Variants in TPD52L1 observed in about 807,000 individuals in gnomAD.
TPD52L1 encodes TPD52 like 1, also known as tumor protein D53.
TPD52L1 carries 18 observed loss-of-function variants against 28.7 expected under a neutral mutation model. That is an observed-to-expected ratio of 0.63 (90% confidence interval 0.43 to 0.93). TPD52L1 has a LOEUF of 0.93. Among genes scored for constraint, TPD52L1 ranks in the 40% least tolerant of loss-of-function variants. The probability of loss-of-function intolerance (pLI) is 0.00; values close to 1 mark genes in which losing one functional copy is unlikely to be tolerated. For missense variants in TPD52L1, 203 were observed against 254.8 expected (o/e 0.80, Z 1.39); for synonymous variants, 75 against 88.8 (o/e 0.84, Z 0.88).
At chr6:125,233,809 A>T (rs1161342039) in intron 3 of TPD52L1, among the ~76,000 whole-genome samples, 1 of 152,250 alleles carries the variant, frequency 6.6e-6, no homozygotes, top group African/African-American at 2.4e-5. Context: ...AGAAAACAAC[A>T]TGCTTTCTCC....
At chr6:125,234,894 A>C (rs993678022) in intron 3 of TPD52L1, among the ~76,000 whole-genome samples, 5 of 151,978 alleles carry the variant, frequency 3.3e-5, no homozygotes, top group African/African-American at 9.7e-5. Flanking sequence ...CGAGTTCAAG[A>C]TCAGCCTGAG....
At chr6:125,230,109 T>A (rs1795859438) in intron 3 of TPD52L1, among the ~76,000 whole-genome samples, 1 of 151,944 alleles carries the variant, frequency 6.6e-6, no homozygotes. Flanking sequence ...GAAGAAATGG[T>A]TTTTGCTTTG....
intron 2 of TPD52L1, among the ~76,000 whole-genome samples, chr6:125,221,545 T>A (rs1290201974): frequency 6.6e-6 from 1 of 152,240 alleles, no homozygotes; most frequent in Non-Finnish European, 1.5e-5. Context: ...CCTCGATTTT[T>A]ATTTTTCTGG....
At chr6:125,216,597 A>G (rs1794910163) in intron 1 of TPD52L1, among the ~76,000 whole-genome samples, 1 of 147,196 alleles carries the variant, frequency 6.8e-6, no homozygotes, top group African/African-American at 2.5e-5. Flanking sequence ...ACCTATGCTC[A>G]GAAGAAATAC....
intron 1 of TPD52L1, among the ~76,000 whole-genome samples, chr6:125,163,074 T>C (rs554260244): frequency 3.7e-4 from 56 of 152,292 alleles, no homozygotes; most frequent in African/African-American, 1.3e-3. Flanking sequence ...GAAGCTAAGA[T>C]GAACTTGACA....
intron 1 of TPD52L1, among the ~76,000 whole-genome samples, chr6:125,188,904 G>A (rs781104446): frequency 1.9e-4 from 29 of 152,326 alleles, no homozygotes; most frequent in Non-Finnish European, 3.5e-4. Flanking sequence ...CAGCTTATGT[G>A]AAAGACCTTC....
intron 1 of TPD52L1, among the ~76,000 whole-genome samples, chr6:125,178,660 T>C (rs559215285): frequency 1.7e-3 from 244 of 147,050 alleles, no homozygotes; most frequent in African/African-American, 6.0e-3. Context: ...CAAAACAAAA[T>C]ATATATATAT....
At chr6:125,258,720 A>T (rs986618996) in intron 6 of TPD52L1, among the ~76,000 whole-genome samples, 4 of 152,028 alleles carry the variant, frequency 2.6e-5, no homozygotes, top group Non-Finnish European at 5.9e-5. Context: ...CACTTTTCTC[A>T]CCTCACTTGG....
At chr6:125,192,458 ATGGAGAAAAACC>A (rs1793114225) in intron 1 of TPD52L1, among the ~76,000 whole-genome samples, 1 of 152,036 alleles carries the variant, frequency 6.6e-6, no homozygotes, top group Non-Finnish European at 1.5e-5. Context: ...TGTTCTTTTA[ATGGAGAAAAACC>A]TGCAGTGACA....
chr6:125,184,940 C>T (rs1792493335), intron 1 of TPD52L1, among the ~76,000 whole-genome samples: 1 of 148,394 alleles, frequency 6.7e-6, no homozygotes, highest in African/African-American at 2.5e-5. Flanking sequence ...TGTGTTGGAT[C>T]AAAATAAAAG....
chr6:125,172,137 TTTC>T lies in TPD52L1; in HGVS notation c.19+18170_19+18172del, dbSNP rs1562210863. 9.4e-3 allele frequency among the ~76,000 whole-genome samples: 729 copies of T among 77,660 alleles called. 6 individuals are homozygous for T. Among genetic ancestry groups the T allele is most frequent in the African/African-American group, 0.043 (655 of 15,242 alleles). The allele number at this position is 77,660 out of a possible 152,430, so 50.9% of individuals were successfully genotyped here. The stretch of plus-strand genomic sequence containing the variant: ...CTTTCTTTCTTTCTTTCTTTCTTTC[TTTC>T]TTTCTTTCTTTCTTTCTTTTCTTTC... On this transcript the variant is annotated intron_variant, in intron 1 of 6. Coordinates refer to ENST00000534000, the MANE Select transcript of TPD52L1 (RefSeq NM_003287.4).
At chr6:125,236,371 T>C (rs1359893451) in intron 3 of TPD52L1, among the ~76,000 whole-genome samples, 1 of 152,164 alleles carries the variant, frequency 6.6e-6, no homozygotes, top group African/African-American at 2.4e-5. Flanking sequence ...TCACCTCCCA[T>C]TTTGCTATAG....
At chr6:125,175,885 A>G (rs1791791978) in intron 1 of TPD52L1, among the ~76,000 whole-genome samples, 1 of 152,220 alleles carries the variant, frequency 6.6e-6, no homozygotes, top group African/African-American at 2.4e-5. Flanking sequence ...TCCACTAAAC[A>G]AATATTGAGG....
At chr6:125,165,929 T>C (rs1489924339) in intron 1 of TPD52L1, among the ~76,000 whole-genome samples, 1 of 152,198 alleles carries the variant, frequency 6.6e-6, no homozygotes, top group African/African-American at 2.4e-5. Flanking sequence ...TACCCAGTAA[T>C]CTCAGTATTT....
chr6:125,179,926 C>T (rs914830866), intron 1 of TPD52L1, among the ~76,000 whole-genome samples: 7 of 152,142 alleles, frequency 4.6e-5, no homozygotes, highest in African/African-American at 1.7e-4. Flanking sequence ...GGCTGTGTTG[C>T]TCTGGGGAGC....
chr6:125,162,402 T>G (rs1582830886), intron 1 of TPD52L1, among the ~76,000 whole-genome samples: 1 of 152,330 alleles, frequency 6.6e-6, no homozygotes, highest in Admixed American at 6.5e-5. Flanking sequence ...CTTCAAAAAC[T>G]TATAAGCAAA....
At chr6:125,191,330 A>ATG (rs1363189704) in intron 1 of TPD52L1, among the ~76,000 whole-genome samples, 2 of 152,128 alleles carry the variant, frequency 1.3e-5, no homozygotes, top group Non-Finnish European at 2.9e-5. Context: ...CACTTGCTTG[A>ATG]TGTGTTTCTG....
chr6:125,220,946 C>T (rs1305436448), intron 2 of TPD52L1, among the ~76,000 whole-genome samples: 1 of 152,202 alleles, frequency 6.6e-6, no homozygotes, highest in African/African-American at 2.4e-5. Flanking sequence ...ATTCCCTCTG[C>T]ATTCTGTGTC....
chr6:125,166,821 G>T (rs1437861862), intron 1 of TPD52L1, among the ~76,000 whole-genome samples: 1 of 151,638 alleles, frequency 6.6e-6, no homozygotes, highest in Non-Finnish European at 1.5e-5. Flanking sequence ...ATAGATGGGA[G>T]ATATGACAGT....
Sources: allele counts gnomAD v4.1 joint callset (sites outside exome capture counted in the v4.1 genomes callset), GRCh38; gene constraint gnomAD v4.1.1; transcripts MANE v1.5; gene names NCBI Gene and HGNC (gene_info 2026-07-23, HGNC 2026-07-21).